TNNI3K: variants seen among roughly 807,000 people sequenced by gnomAD.
TNNI3K encodes TNNI3 interacting kinase.
A neutral mutation model predicts 114.5 loss-of-function variants in TNNI3K; 140 were observed. The ratio of observed to expected loss-of-function variants is 1.22; its 90% CI spans 1.07 to 1.41. The LOEUF (loss-of-function observed/expected upper bound fraction) is 1.41, where lower values mean the gene tolerates loss of function less well. Among genes scored for constraint, TNNI3K ranks in the 40% most tolerant of loss-of-function variants. The pLI, the probability that TNNI3K is intolerant of heterozygous loss-of-function variation, is 0.00. For missense variants in TNNI3K, 1,125 were observed against 1,007.6 expected (o/e 1.12, Z -1.58); for synonymous variants, 347 against 347.5 (o/e 1.00, Z 0.02).
intron 6 of TNNI3K, among the ~76,000 whole-genome samples, chr1:74,332,138 A>G (rs1383503179): frequency 2.6e-5 from 4 of 152,122 alleles, no homozygotes; most frequent in African/African-American, 4.8e-5. Context: ...AAAGTTTTTA[A>G]CATACTTTTG....
At chr1:74,442,593 G>T (rs998675858) in intron 20 of TNNI3K, among the ~76,000 whole-genome samples, 1 of 151,894 alleles carries the variant, frequency 6.6e-6, no homozygotes, top group Non-Finnish European at 1.5e-5. Context: ...AATAAACATG[G>T]TTTATCTCTA....
At chr1:74,279,592 CAATG>C (rs56037474) in intron 5 of TNNI3K, among the ~76,000 whole-genome samples, 2 of 151,546 alleles carry the variant, frequency 1.3e-5, no homozygotes, top group Non-Finnish European at 2.9e-5. Flanking sequence ...TAAATAGAAA[CAATG>C]AATGAATGAA....
chr1:74,515,745 A>G (rs1348576923), intron 23 of TNNI3K, among the ~76,000 whole-genome samples: 1 of 152,250 alleles, frequency 6.6e-6, no homozygotes, highest in African/African-American at 2.4e-5. Context: ...TGGCAATGAC[A>G]TTCAAGTAGG....
intron 5 of TNNI3K, among the ~76,000 whole-genome samples, chr1:74,274,548 T>C (rs1490714585): frequency 6.6e-6 from 1 of 152,054 alleles, no homozygotes; most frequent in East Asian, 1.9e-4. Context: ...CATAGATTTT[T>C]CCCCTAAATA....
At chr1:74,532,392 C>T (rs1646599756) in intron 23 of TNNI3K, among the ~76,000 whole-genome samples, 1 of 152,124 alleles carries the variant, frequency 6.6e-6, no homozygotes. Flanking sequence ...TTATTATCAG[C>T]TCTGTAATTC....
intron 23 of TNNI3K, among the ~76,000 whole-genome samples, chr1:74,496,911 C>A (rs1042796638): frequency 5.3e-5 from 8 of 151,954 alleles, no homozygotes; most frequent in African/African-American, 1.9e-4. Context: ...ATGTGAAAAC[C>A]AATTAGTGTT....
At chr1:74,412,473 G>C (rs535655863) in intron 17 of TNNI3K, among the ~76,000 whole-genome samples, 4 of 152,300 alleles carry the variant, frequency 2.6e-5, no homozygotes, top group Admixed American at 2.0e-4. Flanking sequence ...CCCAAGCTGG[G>C]AGTAAGGAGG....
At chr1:74,462,026 AT>A (rs1404945730) in intron 20 of TNNI3K, among the ~76,000 whole-genome samples, 5 of 152,254 alleles carry the variant, frequency 3.3e-5, no homozygotes, top group African/African-American at 1.2e-4. Flanking sequence ...ATAATTGTAT[AT>A]TGACATAAGG....
chr1:74,321,835 C>T (rs1036624366), intron 5 of TNNI3K, among the ~76,000 whole-genome samples: 1 of 151,886 alleles, frequency 6.6e-6, no homozygotes, highest in African/African-American at 2.4e-5. Context: ...TACTCAAATA[C>T]TTAATTAGAG....
chr1:74,465,549 TG>T (rs200737324), intron 21 of TNNI3K, among the ~76,000 whole-genome samples: 2,095 of 152,280 alleles, frequency 0.014, 40 homozygotes, highest in African/African-American at 0.048. Context: ...CCCCCAACCG[TG>T]GGCTCCTGCG....
intron 6 of TNNI3K, among the ~76,000 whole-genome samples, chr1:74,333,430 A>G (rs1281211032): frequency 2.6e-5 from 4 of 152,200 alleles, no homozygotes; most frequent in African/African-American, 9.6e-5. Flanking sequence ...TACAATGCAT[A>G]TTATTTGTAG....
At chr1:74,509,953 C>A (rs187924720) in intron 23 of TNNI3K, among the ~76,000 whole-genome samples, 294 of 151,824 alleles carry the variant, frequency 1.9e-3, no homozygotes, top group African/African-American at 6.2e-3. Flanking sequence ...AGGGTTTCAC[C>A]AAGTCACCCA....
chr1:74,438,433 G>A (rs1482466661), intron 19 of TNNI3K, among the ~76,000 whole-genome samples: 1 of 152,058 alleles, frequency 6.6e-6, no homozygotes, highest in Non-Finnish European at 1.5e-5. Context: ...TTTGGTAAGA[G>A]TGATAAAAGA....
intron 21 of TNNI3K, chr1:74,470,801 T>C: frequency 5.0e-6 from 2 of 400,732 alleles, no homozygotes; most frequent in Non-Finnish European, 8.8e-6. Context: ...TATTCCTTGT[T>C]GTAGCTGTCA....
chr1:74,287,490 G>T (rs1384511859), intron 5 of TNNI3K, among the ~76,000 whole-genome samples: 1 of 151,888 alleles, frequency 6.6e-6, no homozygotes. Flanking sequence ...CATATATAAG[G>T]GTATAAGAAT....
intron 7 of TNNI3K, among the ~76,000 whole-genome samples, chr1:74,337,486 A>T (rs12759644): frequency 2.6e-5 from 4 of 151,858 alleles, no homozygotes; most frequent in Admixed American, 6.6e-5. Flanking sequence ...GGTTATTAGG[A>T]GCTCCAGTGA....
chr1:74,367,141 C>T (rs1335233331), intron 11 of TNNI3K, 115 bp from the exon 12 acceptor site: 2 of 958,012 alleles, frequency 2.1e-6, no homozygotes, highest in African/African-American at 1.7e-5. Context: ...AATACATTAC[C>T]TCTTATGATT....
intron 17 of TNNI3K, among the ~76,000 whole-genome samples, chr1:74,423,522 C>G (rs1334421526): frequency 1.3e-5 from 2 of 152,102 alleles, no homozygotes; most frequent in African/African-American, 4.8e-5. Context: ...AATTCTGACA[C>G]TTTATCAAAT....
chr1:74,340,586 A>C (rs1448544709), intron 7 of TNNI3K, among the ~76,000 whole-genome samples: 1 of 152,172 alleles, frequency 6.6e-6, no homozygotes, highest in Admixed American at 6.6e-5. Flanking sequence ...GCCACTGTGG[A>C]TAATTCACCA....
Sources: allele counts gnomAD v4.1 joint callset (sites outside exome capture counted in the v4.1 genomes callset), GRCh38; gene constraint gnomAD v4.1.1; transcripts MANE v1.5; gene names NCBI Gene and HGNC (gene_info 2026-07-23, HGNC 2026-07-21).